Variants in RNASET2 observed in about 807,000 individuals in gnomAD.
RNASET2 encodes the protein ribonuclease 6.
A neutral mutation model predicts 33.9 loss-of-function variants in RNASET2; 28 were observed. The ratio of observed to expected loss-of-function variants is 0.83; its 90% CI spans 0.61 to 1.13. The LOEUF is 1.13. RNASET2 is among the 50% of genes most tolerant of loss of function. The probability of loss-of-function intolerance (pLI) is 0.00; values close to 1 mark genes in which losing one functional copy is unlikely to be tolerated. For missense variants in RNASET2, 330 were observed against 319.9 expected (o/e 1.03, Z -0.24); for synonymous variants, 123 against 121.0 (o/e 1.02, Z -0.11).
chr6:166,929,993 G>C (rs555061595), intron 8 of RNASET2, among the ~76,000 whole-genome samples: 1 of 152,178 alleles, frequency 6.6e-6, no homozygotes, highest in African/African-American at 2.4e-5. Context: ...CAGGTGACTC[G>C]CCTGTGGGCA....
rs1778246238 is a variant in RNASET2, at chr6:166,922,154, AG to A, written c.*7433del. Among the ~76,000 whole-genome samples the A allele has an allele frequency of 1.3e-5, 2 of 152,238 alleles. No homozygotes were observed. Among genetic ancestry groups the A allele is most frequent in the African/African-American group, 4.8e-5 (2 of 41,464 alleles). On this transcript the variant is annotated 3_prime_UTR_variant, in exon 9 of 9. Transcript: ENST00000508775. The stretch of plus-strand genomic sequence containing the variant: ...GCTTCCACTTTTTATTGATAACTAT[AG>A]GATCCTAACTGCTAAGCATATATGT...
intron 8 of RNASET2, among the ~76,000 whole-genome samples, 190 bp downstream of exon 8, chr6:166,930,854 T>C (rs551640370): frequency 7.1e-6 from 1 of 141,114 alleles, no homozygotes; most frequent in South Asian, 2.3e-4. Context: ...TACACACACA[T>C]GCACACACAG....
intron 4 of RNASET2, among the ~76,000 whole-genome samples, chr6:166,946,409 T>G (rs1583229541): frequency 6.6e-6 from 1 of 151,544 alleles, no homozygotes; most frequent in African/African-American, 2.4e-5. Context: ...CATGGGGGAG[T>G]GTCAGGGCTT....
intron 8 of RNASET2, among the ~76,000 whole-genome samples, chr6:166,930,317 T>C (rs947894457): frequency 6.7e-6 from 1 of 148,938 alleles, no homozygotes; most frequent in Admixed American, 6.6e-5. Flanking sequence ...CACACATGCA[T>C]GCTCACATAC....
chr6:166,929,688 T>G lies in RNASET2; in HGVS notation c.671A>C (p.Gln224Pro). The G allele has an allele frequency of 1.2e-6, 2 of 1,614,168 alleles. No individual in the cohort carries two copies. Among genetic ancestry groups the G allele is most frequent in the South Asian group, 1.1e-5 (1 of 91,074 alleles). Residue 224 changes from glutamine to proline, a missense_variant, in exon 9 of 9, where the codon CAG (glutamine) becomes CCG (proline). By Grantham distance (76) the Gln-to-Pro change is moderately conservative (BLOSUM62 -1). Coordinates refer to ENST00000508775, the MANE Select transcript of RNASET2 (RefSeq NM_003730.6). ...GGCCCCATTTGCCAGCCAGACTTCC[T>G]GCTTGGGGGACGGCTGCTCCCCCGG... ...TEPGEQPSPK[Q>P]EVWLANGAAE...
Position 166,923,778 on chromosome 6 carries a change from G to A in RNASET2, c.*5810C>T, listed in dbSNP as rs925730170. Among the ~76,000 whole-genome samples the A allele has an allele frequency of 6.6e-6, 1 of 152,126 alleles. No homozygotes were observed. On this transcript the variant is annotated 3_prime_UTR_variant, in exon 9 of 9. Transcript: ENST00000508775. ...TGCAATGGACTTCTTTTCTATAGAC[G>A]CCCAAATACTGACTTCATATCTGTG...
intron 2 of RNASET2, among the ~76,000 whole-genome samples, chr6:166,950,348 G>C (rs561258720): frequency 6.6e-6 from 1 of 152,214 alleles, no homozygotes; most frequent in East Asian, 1.9e-4. Flanking sequence ...CCAAGGCAAG[G>C]AAACAGCAGC....
chr6:166,947,727 G>A (rs1778881668), intron 3 of RNASET2, among the ~76,000 whole-genome samples: 1 of 152,160 alleles, frequency 6.6e-6, no homozygotes, highest in Non-Finnish European at 1.5e-5. Context: ...CTCTTCCTAA[G>A]GAGCCAGGAG....
At position 166,948,554 on chromosome 6, in the gene RNASET2, T is replaced by C; in HGVS notation, c.203+16A>G. 6.4e-7 allele frequency: 1 copy of C among 1,554,654 alleles called. No individual in the cohort carries two copies. Among genetic ancestry groups the C allele is most frequent in the Non-Finnish European group, 8.9e-7 (1 of 1,125,720 alleles). On this transcript the variant is annotated intron_variant, in intron 3 of 8. Coordinates refer to ENST00000508775, the MANE Select transcript of RNASET2 (RefSeq NM_003730.6). ...AAGCCTCTTCTGCCTAAGATTTAAT[T>C]GTGTGAGACACTTGCCATAGTCCAT...
intron 5 of RNASET2, among the ~76,000 whole-genome samples, chr6:166,942,784 G>C (rs962032320): frequency 2.6e-5 from 4 of 152,172 alleles, no homozygotes; most frequent in African/African-American, 4.8e-5. Flanking sequence ...ATACAGGTTA[G>C]AAAACAGGCT....
Position 166,928,558 on chromosome 6 carries a change from A to T in RNASET2, c.*1030T>A, listed in dbSNP as rs1778342555. Among the ~76,000 whole-genome samples, 1 of 151,568 alleles carries T rather than the reference A, an allele frequency of 6.6e-6. No homozygotes were observed. Among genetic ancestry groups the T allele is most frequent in the African/African-American group, 2.4e-5 (1 of 41,252 alleles). Reference sequence around the variant, plus strand: ...TAAGTTCTATTTTAAATGTATATTGAATAAAACATAAATAGGACGTTAATG... The same window carrying T: ...TAAGTTCTATTTTAAATGTATATTGTATAAAACATAAATAGGACGTTAATG... On this transcript the variant is annotated 3_prime_UTR_variant, in exon 9 of 9. Coordinates refer to ENST00000508775, the MANE Select transcript of RNASET2 (RefSeq NM_003730.6).
At chr6:166,945,899 GGGAATGTACCATTCCTA>G (rs1318988078) in intron 4 of RNASET2, among the ~76,000 whole-genome samples, 2 of 151,794 alleles carry the variant, frequency 1.3e-5, no homozygotes, top group Non-Finnish European at 2.9e-5. Context: ...AATGACCTTG[GGGAATGTACCATTCCTA>G]GGAAAGACCC....
In RNASET2 at chr6:166,924,533, G is replaced by C. The variant is rs75220024; in HGVS notation, c.*5055C>G. Among the ~76,000 whole-genome samples, 271 of 152,320 alleles carry C rather than the reference G, an allele frequency of 1.8e-3. No individual in the cohort carries two copies. The highest frequency in any genetic ancestry group is 4.5e-3 in the African/African-American group (188 of 41,576). On this transcript the variant is annotated 3_prime_UTR_variant, in exon 9 of 9. Transcript: ENST00000508775. ...AAAGTCCGGGCCTTTGTAGTGTGAC[G>C]TGGCCATTAGGGCCCACAGATCCTT...
At position 166,922,165 on chromosome 6, in the gene RNASET2, T is replaced by G. The variant is rs1441169274; in HGVS notation, c.*7423A>C. Among the ~76,000 whole-genome samples, 1 of 152,252 alleles carries G rather than the reference T, an allele frequency of 6.6e-6. No homozygotes were observed. The highest frequency in any genetic ancestry group is 6.5e-5 in the Admixed American group (1 of 15,290). On this transcript the variant is annotated 3_prime_UTR_variant, in exon 9 of 9. Coordinates refer to ENST00000508775, the MANE Select transcript of RNASET2 (RefSeq NM_003730.6). ...TTATTGATAACTATAGGATCCTAAC[T>G]GCTAAGCATATATGTTGATCATGTT...
intron 1 of RNASET2, 148 bp downstream of exon 1, chr6:166,955,948 AC>A: frequency 9.4e-7 from 1 of 1,060,294 alleles, no homozygotes; most frequent in Non-Finnish European, 1.4e-6. Flanking sequence ...CCCAGGGGTC[AC>A]CCCGGAGCGT....
In RNASET2 at chr6:166,949,456, G is replaced by A. The variant is rs555376070; in HGVS notation, c.148-831C>T. On this transcript the variant is annotated intron_variant, in intron 2 of 8. Transcript: ENST00000508775. ...GCAGAGCTTGCAGTGAGCCGAGATC[G>A]CGCCACTGCACTCCAGCCTGGGTGA... is the stretch of plus-strand genomic sequence containing the variant. 2.0e-4 allele frequency among the ~76,000 whole-genome samples: 26 copies of A among 132,372 alleles called. 1 individual carries two copies. Among genetic ancestry groups the A allele is most frequent in the South Asian group, 2.4e-4 (1 of 4,232 alleles). 86.8% of individuals were successfully genotyped at this position (132,372 alleles called of 152,430 possible).
At position 166,927,545 on chromosome 6, in the gene RNASET2, C is replaced by A. The variant is rs115275645; in HGVS notation, c.*2043G>T. On this transcript the variant is annotated 3_prime_UTR_variant, in exon 9 of 9. Transcript: ENST00000508775. The stretch of plus-strand genomic sequence containing the variant: ...AAAAAAGAATGGCTTCTTTAAAAAC[C>A]GCAAAGGCCAGCCGACTGCAGACAG... Among the ~76,000 whole-genome samples, 1 of 139,438 alleles carries A rather than the reference C, an allele frequency of 7.2e-6. No homozygotes were observed. The highest frequency in any genetic ancestry group is 3.1e-5 in the African/African-American group (1 of 32,430). The allele number at this position is 139,438 out of a possible 152,430, so 91.5% of individuals were successfully genotyped here.
chr6:166,929,804 A>G lies in RNASET2; in HGVS notation c.568-13T>C. 2 of 1,607,470 alleles carry G rather than the reference A, an allele frequency of 1.2e-6. No individual in the cohort carries two copies. Among genetic ancestry groups the G allele is most frequent in the Admixed American group, 3.3e-5 (2 of 60,026 alleles). The stretch of plus-strand genomic sequence containing the variant: ...GTACTTCCTCATCCTAAAAGTAAAC[A>G]ATGAAAGACGCTTTAGAATTCAGAT... On this transcript the variant is annotated splice_polypyrimidine_tract_variant and intron_variant, in intron 8 of 8. Transcript: ENST00000508775.
Position 166,929,516 on chromosome 6 carries a change from T to C in RNASET2, c.*72A>G. 1 of 1,473,660 alleles carries C rather than the reference T, an allele frequency of 6.8e-7. No homozygotes were observed. Among genetic ancestry groups the C allele is most frequent in the Non-Finnish European group, 9.5e-7 (1 of 1,052,694 alleles). The allele number at this position is 1,473,660 out of a possible 1,614,324, so 91.3% of individuals were successfully genotyped here. A position where few individuals can be genotyped will look rare whatever the true frequency, so the allele number is the denominator to read the frequency against. On this transcript the variant is annotated 3_prime_UTR_variant, in exon 9 of 9. Transcript: ENST00000508775. ...AAAATAAACAGACTTCACTTTGGAG[T>C]TGTTTTTTAGAAAGCTGCAGTTTGT...
Sources: gnomAD v4.1 joint callset for allele counts (sites outside exome capture counted in the v4.1 genomes callset) on GRCh38, gnomAD v4.1.1 for gene constraint, MANE v1.5 for transcripts, NCBI Gene and HGNC (gene_info 2026-07-23, HGNC 2026-07-21) for gene names.